Variants in DOCK7 observed in about 807,000 individuals in gnomAD.
DOCK7 encodes the protein dedicator of cytokinesis 7.
In DOCK7, 138 loss-of-function variants were observed where a neutral mutation model predicts 271.0. That is an observed-to-expected ratio of 0.51 (90% CI 0.44 to 0.59). The LOEUF (loss-of-function observed/expected upper bound fraction) is 0.59. Among genes scored for constraint, DOCK7 ranks in the 20% least tolerant of loss-of-function variants. DOCK7 has a pLI of 0.00. For missense variants in DOCK7, 2,066 were observed against 2,592.4 expected (o/e 0.80, Z 4.41); for synonymous variants, 823 against 876.1 (o/e 0.94, Z 1.07).
At chr1:62,545,962 T>C (rs1447149574) in intron 22 of DOCK7, among the ~76,000 whole-genome samples, 2 of 152,182 alleles carry the variant, frequency 1.3e-5, no homozygotes, top group African/African-American at 4.8e-5. Context: ...CTTGAGAATC[T>C]AATAATTGGA....
At chr1:62,536,821 CA>C (rs1253965651) in intron 28 of DOCK7, among the ~76,000 whole-genome samples, 1 of 152,144 alleles carries the variant, frequency 6.6e-6, no homozygotes, top group Non-Finnish European at 1.5e-5. Flanking sequence ...AGGAATAATA[CA>C]GTAGAACGAG....
intron 14 of DOCK7, chr1:62,597,399 G>A: frequency 1.6e-6 from 1 of 644,268 alleles, no homozygotes; most frequent in Non-Finnish European, 2.6e-6. Flanking sequence ...ACTCAATGTG[G>A]AAGAAGGTTA....
Position 62,666,728 on chromosome 1 carries a change from T to A in DOCK7, c.39-3598A>T, listed in dbSNP as rs190843097. 1.5e-3 allele frequency among the ~76,000 whole-genome samples: 230 copies of A among 152,374 alleles called. 2 individuals carry two copies. The highest frequency in any genetic ancestry group is 4.8e-3 in the African/African-American group (199 of 41,584). Reference sequence around the variant, plus strand: ...TTTTTCCAATCAGATTTTTTCTTACTCCTAGTGATAGCTCAGAAAGAAAAA... The same window carrying A: ...TTTTTCCAATCAGATTTTTTCTTACACCTAGTGATAGCTCAGAAAGAAAAA... On this transcript the variant is annotated intron_variant, in intron 1 of 49. Coordinates refer to ENST00000635253, the MANE Select transcript of DOCK7 (RefSeq NM_001367561.1).
intron 14 of DOCK7, chr1:62,598,094 G>A (rs954364318): frequency 6.6e-7 from 1 of 1,525,168 alleles, no homozygotes; most frequent in Non-Finnish European, 8.8e-7. Context: ...TCATGTTTAT[G>A]TTTTCAATGT....
At chr1:62,653,873 T>C in intron 3 of DOCK7, 80 bp from the exon 4 acceptor site, 1 of 1,478,290 alleles carries the variant, frequency 6.8e-7, no homozygotes, top group Non-Finnish European at 9.4e-7. Flanking sequence ...ACAATCGCTG[T>C]TTGCGTAACA....
At chr1:62,551,594 T>C (rs1468131931) in intron 22 of DOCK7, among the ~76,000 whole-genome samples, 1 of 152,008 alleles carries the variant, frequency 6.6e-6, no homozygotes, top group African/African-American at 2.4e-5. Flanking sequence ...TAAATAAACT[T>C]TAGATTCCTT....
intron 41 of DOCK7, 58 bp from the exon 42 acceptor site, chr1:62,489,123 GT>G: frequency 6.9e-7 from 1 of 1,444,008 alleles, no homozygotes; most frequent in Non-Finnish European, 9.3e-7. Context: ...AGAAAGAAAA[GT>G]AATTATATGA....
At chr1:62,563,424 G>GCTA (rs1553170614) in intron 18 of DOCK7, among the ~76,000 whole-genome samples, 1 of 152,070 alleles carries the variant, frequency 6.6e-6, no homozygotes, top group African/African-American at 2.4e-5. Flanking sequence ...TGACATAGAT[G>GCTA]CTAGATAGAC....
At chr1:62,563,037 G>C (rs1395083227) in intron 18 of DOCK7, among the ~76,000 whole-genome samples, 1 of 152,100 alleles carries the variant, frequency 6.6e-6, no homozygotes, top group Non-Finnish European at 1.5e-5. Flanking sequence ...CTTGCCTGGT[G>C]ATAGCAAGCC....
intron 37 of DOCK7, among the ~76,000 whole-genome samples, chr1:62,500,225 A>G (rs933081671): frequency 1.3e-5 from 2 of 152,230 alleles, no homozygotes; most frequent in Non-Finnish European, 2.9e-5. Context: ...TTTAAATTAT[A>G]CAAAATTTAT....
At chr1:62,658,919 C>T (rs1658339102) in intron 2 of DOCK7, among the ~76,000 whole-genome samples, 2 of 151,086 alleles carry the variant, frequency 1.3e-5, no homozygotes, top group South Asian at 4.2e-4. Flanking sequence ...CACCACTACA[C>T]TCCACCCTGG....
intron 35 of DOCK7, 34 bp from the exon 36 acceptor site, chr1:62,505,850 T>A: frequency 6.3e-7 from 1 of 1,598,504 alleles, no homozygotes; most frequent in Non-Finnish European, 8.5e-7. Context: ...AAAATAGAGA[T>A]GTACTTGCAA....
chr1:62,507,321 T>C (rs1411489956), intron 35 of DOCK7, among the ~76,000 whole-genome samples: 1 of 152,200 alleles, frequency 6.6e-6, no homozygotes, highest in African/African-American at 2.4e-5. Flanking sequence ...GAATCCTGGC[T>C]CTTCTACATA....
chr1:62,555,779 C>T (rs1168265742), intron 21 of DOCK7, 46 bp downstream of exon 21: 2 of 1,573,794 alleles, frequency 1.3e-6, no homozygotes, highest in East Asian at 2.3e-5. Context: ...CTGACATGAA[C>T]ATATAATTTA....
chr1:62,653,267 C>T (rs1033321193), intron 4 of DOCK7, among the ~76,000 whole-genome samples: 2 of 152,066 alleles, frequency 1.3e-5, no homozygotes, highest in African/African-American at 4.8e-5. Context: ...CAAATATTTA[C>T]CTGATTGGAT....
intron 49 of DOCK7, 85 bp downstream of exon 49, chr1:62,457,453 C>A (rs1645379185): frequency 5.2e-6 from 7 of 1,348,918 alleles, no homozygotes. Flanking sequence ...ATGACAGATG[C>A]TCGAGCTGTA....
At chr1:62,612,740 A>T (rs888070437) in intron 14 of DOCK7, among the ~76,000 whole-genome samples, 2 of 152,150 alleles carry the variant, frequency 1.3e-5, no homozygotes, top group Admixed American at 1.3e-4. Flanking sequence ...ACAGACCAAA[A>T]TCCTTTTGTT....
chr1:62,645,881 C>T (rs1168962160), intron 7 of DOCK7, among the ~76,000 whole-genome samples: 2 of 152,114 alleles, frequency 1.3e-5, no homozygotes, highest in African/African-American at 4.8e-5. Flanking sequence ...GGCGTGGTGG[C>T]TCACACCTGT....
intron 14 of DOCK7, chr1:62,604,220 C>G (rs758320855): frequency 6.2e-7 from 1 of 1,613,074 alleles, no homozygotes; most frequent in Non-Finnish European, 8.5e-7. Flanking sequence ...CTTCAACTGT[C>G]CAGAGGGTTA....
Sources: allele counts gnomAD v4.1 joint callset (sites outside exome capture counted in the v4.1 genomes callset), GRCh38; gene constraint gnomAD v4.1.1; transcripts MANE v1.5; gene names NCBI Gene and HGNC (gene_info 2026-07-23, HGNC 2026-07-21).